ARHGAP6: variants seen among roughly 807,000 people sequenced by gnomAD.
ARHGAP6 encodes rho GTPase-activating protein 6.
A neutral mutation model predicts 55.7 loss-of-function variants in ARHGAP6; 16 were observed. The observed-to-expected ratio is 0.29, with a 90% CI of 0.19 to 0.44. The LOEUF (loss-of-function observed/expected upper bound fraction) is 0.44. Ranked by LOEUF, ARHGAP6 falls within the 20% of genes least tolerant of loss-of-function variation. The probability of loss-of-function intolerance (pLI) is 1.00; values close to 1 mark genes in which losing one functional copy is unlikely to be tolerated. For missense variants in ARHGAP6, 698 were observed against 808.9 expected, an observed-to-expected ratio of 0.86 and a Z score of 1.66; for synonymous variants, 382 against 360.9, an observed-to-expected ratio of 1.06 and a Z score of -0.66.
At chrX:11,456,279 AT>A (rs752125344) in intron 1 of ARHGAP6, among the ~76,000 whole-genome samples, 1 of 111,906 alleles carries the variant, frequency 8.9e-6, no homozygotes, top group Non-Finnish European at 1.9e-5. Flanking sequence ...AATGATGTTA[AT>A]TCTTCCCCAT....
chrX:11,528,686 C>T (rs1023870386), intron 1 of ARHGAP6, among the ~76,000 whole-genome samples: 3 of 111,757 alleles, frequency 2.7e-5, no homozygotes, highest in African/African-American at 9.8e-5. Context: ...TAGAATTGAA[C>T]CAGTTACAAC....
rs193210587 is a variant in ARHGAP6, at chrX:11,223,476, G to T, written c.749-26480C>A. ...GTATATTATCTAGAAAGCCAATGAA[G>T]ATGACCTCTTTTTGCCTTCCAGATA... On this transcript the variant is annotated intron_variant, in intron 2 of 12. Coordinates refer to ENST00000337414, the MANE Select transcript of ARHGAP6 (RefSeq NM_013427.3). 3.1e-3 allele frequency among the ~76,000 whole-genome samples: 344 copies of T among 111,224 alleles called. 1 individual carries two copies. The highest frequency in any genetic ancestry group is 0.011 in the African/African-American group (335 of 30,679).
chrX:11,632,642 T>C (rs1159039996), intron 1 of ARHGAP6, among the ~76,000 whole-genome samples: 1 of 112,404 alleles, frequency 8.9e-6, no homozygotes, highest in African/African-American at 3.2e-5. Context: ...GTAAAGAACA[T>C]AATATAATTT....
intron 1 of ARHGAP6, among the ~76,000 whole-genome samples, chrX:11,327,216 G>A (rs1428794558): frequency 8.9e-6 from 1 of 112,270 alleles, no homozygotes; most frequent in African/African-American, 3.2e-5. Context: ...GTTTCTGAAT[G>A]GGGTAGTAAA....
At position 11,179,347 on chromosome X, in the gene ARHGAP6, G is replaced by A; in HGVS notation, c.1435C>T (p.Pro479Ser). The change falls in exon 7 of 13, where the codon CCC (proline) becomes TCC (serine). Residue 479 changes from proline to serine, a missense_variant. Around this residue, in one of 3 missense-constraint regions of ARHGAP6, gnomAD observed 322 missense variants for 451.1 expected, o/e 0.71. Coordinates refer to ENST00000337414, the MANE Select transcript of ARHGAP6 (RefSeq NM_013427.3). ...GTGTACAGCTCCCTGGTGAGAAGGG[G>A]GTCTGGCATGTCCCTCAGGAACTCT... ...LKEFLRDMPD[P>S]LLTRELYTAF... 3 of 1,209,840 alleles carry A rather than the reference G, an allele frequency of 2.5e-6. No individual in the cohort carries two copies. The highest frequency in any genetic ancestry group is 3.4e-6 in the Non-Finnish European group (3 of 894,709).
At chrX:11,566,887 G>T (rs2051447531) in intron 1 of ARHGAP6, among the ~76,000 whole-genome samples, 2 of 111,717 alleles carry the variant, frequency 1.8e-5, no homozygotes, top group Admixed American at 1.9e-4. Context: ...GACTTTCAAA[G>T]TTATGGCTTA....
At chrX:11,412,812 A>C (rs1021962069) in intron 1 of ARHGAP6, among the ~76,000 whole-genome samples, 3 of 112,475 alleles carry the variant, frequency 2.7e-5, no homozygotes, top group African/African-American at 9.7e-5. Flanking sequence ...TTTCCTACTA[A>C]AGAAATAACC....
At chrX:11,292,913 T>C (rs1177632991) in intron 1 of ARHGAP6, among the ~76,000 whole-genome samples, 1 of 111,574 alleles carries the variant, frequency 9.0e-6, no homozygotes, top group Non-Finnish European at 1.9e-5. Flanking sequence ...AATAGAGCAG[T>C]GGTGATCCCA....
chrX:11,541,963 G>C (rs1476936171), intron 1 of ARHGAP6, among the ~76,000 whole-genome samples: 1 of 111,916 alleles, frequency 8.9e-6, no homozygotes, highest in Non-Finnish European at 1.9e-5. Flanking sequence ...CAAATGCAGA[G>C]CTTTTTGTGA....
chrX:11,243,335 A>T (rs1353179661), intron 2 of ARHGAP6, among the ~76,000 whole-genome samples: 5 of 111,770 alleles, frequency 4.5e-5, no homozygotes, highest in Non-Finnish European at 9.4e-5. Context: ...TCGGGAAATG[A>T]ACCCTTAGTT....
chrX:11,187,783 C>G (rs777610814), intron 4 of ARHGAP6, among the ~76,000 whole-genome samples: 15 of 112,061 alleles, frequency 1.3e-4, no homozygotes, highest in Non-Finnish European at 1.9e-5. Flanking sequence ...TGGCGGCTCA[C>G]GCCTGTGATC....
chrX:11,189,888 G>GGCACT (rs1372589642), intron 3 of ARHGAP6, among the ~76,000 whole-genome samples: 1 of 112,144 alleles, frequency 8.9e-6, no homozygotes, highest in East Asian at 2.8e-4. Flanking sequence ...CATGCTGAAA[G>GGCACT]GCACTAAATA....
chrX:11,150,202 G>A (rs764523811), intron 10 of ARHGAP6, among the ~76,000 whole-genome samples: 98 of 111,450 alleles, frequency 8.8e-4, no homozygotes, highest in Non-Finnish European at 1.4e-3. Flanking sequence ...ATCTTTATAT[G>A]TTTCCTCAAG....
At chrX:11,366,072 T>C (rs776021722) in intron 1 of ARHGAP6, among the ~76,000 whole-genome samples, 10 of 111,839 alleles carry the variant, frequency 8.9e-5, no homozygotes, top group Non-Finnish European at 1.5e-4. Context: ...CCCACTCTCA[T>C]GAATTCAGCT....
intron 1 of ARHGAP6, among the ~76,000 whole-genome samples, chrX:11,654,397 A>T (rs887315010): frequency 5.4e-5 from 6 of 111,864 alleles, no homozygotes; most frequent in Non-Finnish European, 5.6e-5. Context: ...ATCAAGCCAC[A>T]TAATTCAATT....
At chrX:11,611,651 T>C (rs769338119) in intron 1 of ARHGAP6, among the ~76,000 whole-genome samples, 1 of 111,929 alleles carries the variant, frequency 8.9e-6, no homozygotes, top group Non-Finnish European at 1.9e-5. Flanking sequence ...AAGCGCACAA[T>C]GAATTTTTTT....
At chrX:11,144,284 G>A in intron 10 of ARHGAP6, 36 bp from the exon 11 acceptor site, 1 of 1,207,909 alleles carries the variant, frequency 8.3e-7, no homozygotes. Context: ...GCGTGAGTTT[G>A]TTAACAAGTA....
At chrX:11,337,969 C>G (rs564995839) in intron 1 of ARHGAP6, among the ~76,000 whole-genome samples, 2 of 111,375 alleles carry the variant, frequency 1.8e-5, no homozygotes, top group African/African-American at 6.5e-5. Context: ...GGACCAAACC[C>G]AGGGGTGTCC....
intron 1 of ARHGAP6, among the ~76,000 whole-genome samples, chrX:11,354,302 TCTC>T (rs2048901976): frequency 2.2e-5 from 1 of 45,814 alleles, no homozygotes; most frequent in South Asian, 2.1e-3. Context: ...TCTTTCTCTC[TCTC>T]TCTCTCTCTC....
Sources: gnomAD v4.1 joint callset for allele counts (sites outside exome capture counted in the v4.1 genomes callset) on GRCh38, gnomAD v4.1.1 for gene constraint, gnomAD v4.1.1 regional missense constraint, MANE v1.5 for transcripts, NCBI Gene and HGNC (gene_info 2026-07-23, HGNC 2026-07-21) for gene names.